Variants in KIF20B observed in about 807,000 individuals in gnomAD.
KIF20B encodes the protein kinesin family member 20B.
Under a neutral mutation model 232.5 loss-of-function variants are expected in KIF20B, and 188 were observed. The ratio of observed to expected loss-of-function variants is 0.81; its 90% CI spans 0.72 to 0.91. The LOEUF (loss-of-function observed/expected upper bound fraction) is 0.91. Among genes scored for constraint, KIF20B ranks in the 40% least tolerant of loss-of-function variants. The pLI is 0.00. For synonymous variants in KIF20B, 712 were observed against 683.0 expected (o/e 1.04, Z -0.66); for missense variants, 2,154 against 2,055.9 (o/e 1.05, Z -0.92).
chr10:89,752,701 T>A lies in KIF20B; in HGVS notation c.4347+10T>A. 6.6e-7 allele frequency: 1 copy of A among 1,522,948 alleles called. No individual in the cohort carries two copies. The highest frequency in any genetic ancestry group is 1.4e-5 in the African/African-American group (1 of 70,610). The allele number at this position is 1,522,948 out of a possible 1,614,324, so 94.3% of individuals were successfully genotyped here. Reference sequence around the variant, plus strand: ...TCAAGATGAGTTACAGGTATGACTTTATGTATGTTTTTATGTATGAATGTA... The same window carrying A: ...TCAAGATGAGTTACAGGTATGACTTAATGTATGTTTTTATGTATGAATGTA... On this transcript the variant is annotated intron_variant, in intron 25 of 32. Transcript: ENST00000371728.
At position 89,725,016 on chromosome 10, in the gene KIF20B, G is replaced by C; in HGVS notation, c.1863-4G>C. 1 of 1,611,782 alleles carries C rather than the reference G, an allele frequency of 6.2e-7. No individual in the cohort carries two copies. Among genetic ancestry groups the C allele is most frequent in the South Asian group, 1.1e-5 (1 of 90,498 alleles). ...TCTTAATGGGATTAATTTGTATTTT[G>C]AAGGGAGACTCTGCTTCAAGAACGA... On this transcript the variant is annotated splice_polypyrimidine_tract_variant and splice_region_variant and intron_variant, in intron 14 of 32. Coordinates refer to ENST00000371728, the MANE Select transcript of KIF20B (RefSeq NM_001284259.2).
chr10:89,725,333 TATA>T (rs1843159111), intron 15 of KIF20B, among the ~76,000 whole-genome samples, 175 bp downstream of exon 15: 1 of 151,998 alleles, frequency 6.6e-6, no homozygotes, highest in East Asian at 1.9e-4. Flanking sequence ...AGAATTTAAA[TATA>T]ATGATTGGTT....
intron 20 of KIF20B, 99 bp downstream of exon 20, chr10:89,738,716 G>A: frequency 1.4e-6 from 2 of 1,396,450 alleles, no homozygotes; most frequent in Non-Finnish European, 1.9e-6. Context: ...ATCTGGTAAA[G>A]CGTAGCATGT....
chr10:89,768,099 C>T (rs41286902), intron 29 of KIF20B, among the ~76,000 whole-genome samples, 191 bp from the exon 30 acceptor site: 20 of 152,134 alleles, frequency 1.3e-4, no homozygotes, highest in Non-Finnish European at 2.6e-4. Context: ...CCAATAATAT[C>T]CCCTTCTCCC....
intron 32 of KIF20B, among the ~76,000 whole-genome samples, chr10:89,773,446 A>G (rs1842507705): frequency 6.6e-6 from 1 of 151,964 alleles, no homozygotes; most frequent in African/African-American, 2.4e-5. Flanking sequence ...TTTTGCCACA[A>G]GAGCTTTCAG....
intron 21 of KIF20B, among the ~76,000 whole-genome samples, chr10:89,740,390 C>T (rs1390490264): frequency 6.6e-6 from 1 of 151,934 alleles, no homozygotes; most frequent in Non-Finnish European, 1.5e-5. Flanking sequence ...GCTTCTGTGC[C>T]CTCTCTGGGT....
chr10:89,734,097 A>C (rs1841588705), intron 19 of KIF20B, among the ~76,000 whole-genome samples: 1 of 152,026 alleles, frequency 6.6e-6, no homozygotes, highest in Non-Finnish European at 1.5e-5. Flanking sequence ...TGAGAGAGCT[A>C]GGGGATTTTA....
rs760742922 is a variant in KIF20B at position 89,705,384 on chromosome 10, C to T, written c.90C>T (p.Phe30=). 78 of 1,613,732 alleles carry T rather than the reference C, an allele frequency of 4.8e-5. No individual in the cohort carries two copies. The highest frequency in any genetic ancestry group is 8.8e-5 in the South Asian group (8 of 91,078). The change falls in exon 2 of 33, where the codon TTC becomes TTT. Residue 30 remains phenylalanine, a synonymous_variant. Coordinates refer to ENST00000371728, the MANE Select transcript of KIF20B (RefSeq NM_001284259.2). ...DPIARPSEIN[F]DGIKLDLSHE... ...TTGCAAGGCCTTCAGAAATAAATTT[C>T]GATGGCATTAAGCTTGATCTGTCTC...
At chr10:89,753,200 CTTT>C in intron 25 of KIF20B, among the ~76,000 whole-genome samples, 1 of 151,054 alleles carries the variant, frequency 6.6e-6, no homozygotes, top group South Asian at 2.1e-4. Context: ...ATGGGGGAAA[CTTT>C]TTTTTTCGTA....
intron 19 of KIF20B, among the ~76,000 whole-genome samples, chr10:89,736,333 A>ATT (rs1434660589): frequency 1.3e-5 from 2 of 149,480 alleles, no homozygotes. Context: ...ATTGTTAATT[A>ATT]TATTTCAAGA....
rs755606286 is a variant in KIF20B, at chr10:89,707,793, A to G, written c.148-1374A>G. 7.9e-5 allele frequency among the ~76,000 whole-genome samples: 12 copies of G among 152,152 alleles called. 1 individual carries two copies. The highest frequency in any genetic ancestry group is 3.9e-4 in the Admixed American group (6 of 15,266). ...TCCTGTTAAGTTTGTTGTTAGCGAT[A>G]GATTTTTTGTAAGTGCCCTTTATCA... On this transcript the variant is annotated intron_variant, in intron 2 of 32. Transcript: ENST00000371728.
chr10:89,740,049 C>G (rs1045311929), intron 21 of KIF20B, among the ~76,000 whole-genome samples: 10 of 152,164 alleles, frequency 6.6e-5, no homozygotes, highest in Admixed American at 1.3e-4. Context: ...TACACATATG[C>G]AAAAGTTTAT....
intron 19 of KIF20B, among the ~76,000 whole-genome samples, chr10:89,734,272 G>A (rs576287761): frequency 6.6e-6 from 1 of 152,232 alleles, no homozygotes; most frequent in East Asian, 1.9e-4. Flanking sequence ...TTAGCCTGGT[G>A]TGGTGGTGCA....
At chr10:89,761,437 G>T (rs1336166763) in intron 28 of KIF20B, among the ~76,000 whole-genome samples, 1 of 150,884 alleles carries the variant, frequency 6.6e-6, no homozygotes, top group East Asian at 1.9e-4. Context: ...TGTATCTTAT[G>T]AATGGAAGCT....
At chr10:89,732,880 A>G (rs533126691) in intron 18 of KIF20B, 23 bp from the exon 19 acceptor site, 1 of 1,510,694 alleles carries the variant, frequency 6.6e-7, no homozygotes, top group South Asian at 1.3e-5. Flanking sequence ...TATGTGAATT[A>G]TTTTTAACTT....
At chr10:89,768,627 C>T (rs7912464) in intron 30 of KIF20B, 111 bp from the exon 31 acceptor site, 278,107 of 1,060,340 alleles carry the variant, frequency 0.26, 39,768 homozygotes, top group African/African-American at 0.46. Context: ...CTTAAAGTTT[C>T]CTACCTGAGA....
At chr10:89,745,559 A>C (rs1263287577) in intron 22 of KIF20B, among the ~76,000 whole-genome samples, 1 of 146,850 alleles carries the variant, frequency 6.8e-6, no homozygotes, top group Non-Finnish European at 1.5e-5. Flanking sequence ...AAATAAAGAC[A>C]TATAAAGTGT....
rs1252796663 is a variant in KIF20B at position 89,737,414 on chromosome 10, C to T, written c.2573C>T (p.Thr858Ile). ...KGSIHVSSAI[T>I]EDQKKSEEVR... The stretch of plus-strand genomic sequence containing the variant: ...TCTATCCATGTTAGTTCAGCTATCA[C>T]TGAAGACCAAAAGAAAAGTGAAGAA... Residue 858 changes from threonine (T) to isoleucine (I), a missense_variant, in exon 20 of 33, where the codon ACT (threonine) becomes ATT (isoleucine). Physicochemically the swap from Thr to Ile is moderately conservative, Grantham distance 89. Transcript: ENST00000371728. The T allele has an allele frequency of 6.3e-7, 1 of 1,588,412 alleles. No individual in the cohort carries two copies. Among genetic ancestry groups the T allele is most frequent in the Non-Finnish European group, 8.5e-7 (1 of 1,172,808 alleles).
At chr10:89,722,324 C>T (rs1045976369) in intron 13 of KIF20B, among the ~76,000 whole-genome samples, 1 of 152,180 alleles carries the variant, frequency 6.6e-6, no homozygotes, top group African/African-American at 2.4e-5. Flanking sequence ...TAAATTTTTT[C>T]AGCAAAAACT....
Sources: gnomAD v4.1 joint callset for allele counts (sites outside exome capture counted in the v4.1 genomes callset) on GRCh38, gnomAD v4.1.1 for gene constraint, MANE v1.5 for transcripts, NCBI Gene and HGNC (gene_info 2026-07-23, HGNC 2026-07-21) for gene names.